The following LMX1A variants were observed in gnomAD, a reference collection of about 807,000 sequenced individuals.
LMX1A encodes LIM homeobox transcription factor 1 alpha.
Under a neutral mutation model 49.1 loss-of-function variants are expected in LMX1A, and 15 were observed. The ratio of observed to expected loss-of-function variants is 0.31; its 90% CI spans 0.20 to 0.47. The LOEUF is 0.47. Among genes scored for constraint, LMX1A ranks in the 20% least tolerant of loss-of-function variants. LMX1A has a pLI of 1.00. For missense variants in LMX1A, 372 were observed against 475.8 expected (o/e 0.78, Z 2.03); for synonymous variants, 167 against 185.7 (o/e 0.90, Z 0.82).
chr1:165,315,739 G>A (rs553453134), intron 3 of LMX1A, among the ~76,000 whole-genome samples: 7 of 152,196 alleles, frequency 4.6e-5, no homozygotes, highest in East Asian at 1.9e-4. Context: ...GGCACCATGC[G>A]GTTTCAGAGA....
At chr1:165,205,763 GA>G in intron 8 of LMX1A, 100 bp downstream of exon 8, 1 of 1,142,168 alleles carries the variant, frequency 8.8e-7, no homozygotes, top group Non-Finnish European at 1.3e-6. Flanking sequence ...TTCTGCTTTG[GA>G]ACTTCGGTGA....
rs1396081975 is a variant in LMX1A at position 165,213,688 on chromosome 1, G to A, written c.622C>T (p.Arg208Ter). 1.2e-6 allele frequency: 2 copies of A among 1,614,166 alleles called. No individual in the cohort carries two copies. The highest frequency in any genetic ancestry group is 1.7e-6 in the Non-Finnish European group (2 of 1,180,012). The change falls in exon 5 of 9, where the codon CGA (arginine) becomes TGA (stop). Residue 208 changes from arginine to a stop codon, truncating the protein, a stop_gained. Transcript: ENST00000342310. LOFTEE classifies it high-confidence loss of function. ...ACTTCAAATGAGGCCTTGAATGCTC[G>A]CCTCTGTTGAGTTGTCAAGATGGTT... The part of the protein sequence containing the change: ...PRTILTTQQR[R>*]AFKASFEVSS...
intron 3 of LMX1A, among the ~76,000 whole-genome samples, chr1:165,300,540 C>CA (rs1654748676): frequency 6.6e-6 from 1 of 152,188 alleles, no homozygotes; most frequent in Non-Finnish European, 1.5e-5. Context: ...CTCAGAAGAG[C>CA]AGCACTTTAT....
chr1:165,312,533 G>T (rs1655104446), intron 3 of LMX1A, among the ~76,000 whole-genome samples: 1 of 152,134 alleles, frequency 6.6e-6, no homozygotes, highest in South Asian at 2.1e-4. Flanking sequence ...GGTTTTAAGA[G>T]ATTGGTAGGT....
chr1:165,253,137 A>G (rs529293149), intron 3 of LMX1A, among the ~76,000 whole-genome samples: 4 of 152,324 alleles, frequency 2.6e-5, no homozygotes, highest in Admixed American at 2.6e-4. Flanking sequence ...AAGACAGACA[A>G]ATCCTTGACC....
chr1:165,348,716 GACTCCTCCTCACAC>G lies in LMX1A; in HGVS notation c.263+4346_263+4359del, dbSNP rs539348033. On this transcript the variant is annotated intron_variant, in intron 3 of 8. Transcript: ENST00000342310. ...AATGTCACAGTAATAAAACCAAACTGACTCCTCCTCACACACACACACTTCCTCCACTACCTTGA... is the reference window on the plus strand; with the variant it reads ...AATGTCACAGTAATAAAACCAAACTGACACACACTTCCTCCACTACCTTGA... Among the ~76,000 whole-genome samples, 550 of 152,118 alleles carry G rather than the reference GACTCCTCCTCACAC, an allele frequency of 3.6e-3. 10 individuals carry two copies. The highest frequency in any genetic ancestry group is 0.013 in the African/African-American group (526 of 41,480).
chr1:165,338,673 G>A lies in LMX1A; in HGVS notation c.263+14403C>T, dbSNP rs570851419. 5.8e-4 allele frequency among the ~76,000 whole-genome samples: 88 copies of A among 152,322 alleles called. 1 individual carries two copies. In the South Asian group the frequency reaches 0.018, roughly 30 times the overall value. On this transcript the variant is annotated intron_variant, in intron 3 of 8. Coordinates refer to ENST00000342310, the MANE Select transcript of LMX1A (RefSeq NM_177398.4). ...CCAAACTAAGGTCTAACAACCAGTTGACAAGTAGAAAAATCCATTCCATGA... is the reference window on the plus strand; with the variant it reads ...CCAAACTAAGGTCTAACAACCAGTTAACAAGTAGAAAAATCCATTCCATGA...
At chr1:165,206,093 C>G in intron 7 of LMX1A, 59 bp from the exon 8 acceptor site, 1 of 1,437,110 alleles carries the variant, frequency 7.0e-7, no homozygotes, top group Non-Finnish European at 9.4e-7. Context: ...TGTGATTTCC[C>G]TGGGTCCTGA....
At position 165,206,021 on chromosome 1, in the gene LMX1A, A is replaced by G; in HGVS notation, c.831T>C (p.Gly277=). 6.4e-7 allele frequency: 1 copy of G among 1,566,064 alleles called. No homozygotes were observed. Among genetic ancestry groups the G allele is most frequent in the East Asian group, 2.3e-5 (1 of 42,958 alleles). Residue 277 remains glycine, a synonymous_variant, in exon 8 of 9, where the codon GGT becomes GGC. Transcript: ENST00000342310. ...TTCCTTCCATCCCAGCACTCCCACCACCGTTTGTCTGAGCTGTGGAACAAA... is the reference window on the plus strand; with the variant it reads ...TTCCTTCCATCCCAGCACTCCCACCGCCGTTTGTCTGAGCTGTGGAACAAA... ...TQRLSSAQTN[G]GGSAGMEGIM...
rs6143463 is a variant in LMX1A at position 165,337,888 on chromosome 1, C to CTGTGTGTGTGTGTG, written c.263+15174_263+15187dup. Among the ~76,000 whole-genome samples, 649 of 147,030 alleles carry CTGTGTGTGTGTGTG rather than the reference C, an allele frequency of 4.4e-3. 4 individuals are homozygous for CTGTGTGTGTGTGTG. Among genetic ancestry groups the CTGTGTGTGTGTGTG allele is most frequent in the African/African-American group, 0.012 (461 of 38,750 alleles). Reference sequence around the variant, plus strand: ...TCTGTGCATCTGTGTGTGTGTGTTTCTGTGTGTGTGTGTGTGTGTTACTAC... The same window carrying CTGTGTGTGTGTGTG: ...TCTGTGCATCTGTGTGTGTGTGTTTCTGTGTGTGTGTGTGTGTGTGTGTGTGTGTGTGTTACTAC... On this transcript the variant is annotated intron_variant, in intron 3 of 8. Transcript: ENST00000342310.
chr1:165,299,991 C>T (rs1354045250), intron 3 of LMX1A, among the ~76,000 whole-genome samples: 3 of 152,080 alleles, frequency 2.0e-5, no homozygotes, highest in South Asian at 4.2e-4. Flanking sequence ...GACACCTAGG[C>T]CTGGCTGCTC....
chr1:165,324,667 T>C (rs574502299), intron 3 of LMX1A, among the ~76,000 whole-genome samples: 6 of 152,344 alleles, frequency 3.9e-5, no homozygotes, highest in Middle Eastern at 6.8e-3. Context: ...GAATTGTTTT[T>C]AATCCTAAAG....
chr1:165,266,823 G>C (rs1337943351), intron 3 of LMX1A, among the ~76,000 whole-genome samples: 1 of 151,822 alleles, frequency 6.6e-6, no homozygotes, highest in Non-Finnish European at 1.5e-5. Flanking sequence ...GGGTGGTCTC[G>C]ATCTCCTGAC....
intron 4 of LMX1A, among the ~76,000 whole-genome samples, chr1:165,228,107 A>G (rs904357608): frequency 6.6e-6 from 1 of 152,240 alleles, no homozygotes; most frequent in South Asian, 2.1e-4. Context: ...GATCTAAGTC[A>G]TTTTAGAATC....
chr1:165,306,972 C>T (rs1187425646), intron 3 of LMX1A, among the ~76,000 whole-genome samples: 1 of 152,248 alleles, frequency 6.6e-6, no homozygotes, highest in Non-Finnish European at 1.5e-5. Flanking sequence ...GGCAGCAACT[C>T]TCCCCATGTC....
chr1:165,302,878 T>C (rs1458903399), intron 3 of LMX1A, among the ~76,000 whole-genome samples: 2 of 152,188 alleles, frequency 1.3e-5, no homozygotes, highest in Non-Finnish European at 2.9e-5. Flanking sequence ...TTGATTTTCC[T>C]CCCAGCTTCT....
chr1:165,236,018 G>A (rs369364239), intron 4 of LMX1A, among the ~76,000 whole-genome samples: 47 of 152,328 alleles, frequency 3.1e-4, no homozygotes, highest in African/African-American at 9.6e-4. Flanking sequence ...CCCGGCCCGA[G>A]CCGGCCCTGG....
intron 4 of LMX1A, among the ~76,000 whole-genome samples, chr1:165,237,686 T>C (rs1652500868): frequency 6.6e-6 from 1 of 152,224 alleles, no homozygotes; most frequent in Non-Finnish European, 1.5e-5. Context: ...GTTTCGAATA[T>C]AATTTTACAG....
At chr1:165,352,498 T>C (rs1047404771) in intron 3 of LMX1A, among the ~76,000 whole-genome samples, 1 of 152,210 alleles carries the variant, frequency 6.6e-6, no homozygotes, top group African/African-American at 2.4e-5. Context: ...GCTGTGCGCT[T>C]AGCTCCGAAT....
Sources: gnomAD v4.1 joint callset for allele counts (sites outside exome capture counted in the v4.1 genomes callset) on GRCh38, gnomAD v4.1.1 for gene constraint, MANE v1.5 for transcripts, NCBI Gene and HGNC (gene_info 2026-07-23, HGNC 2026-07-21) for gene names.